The following PARD3B variants were observed in gnomAD, a reference collection of about 807,000 sequenced individuals.
PARD3B encodes the protein partitioning defective 3 homolog B.
A neutral mutation model predicts 130.2 loss-of-function variants in PARD3B; 103 were observed. The ratio of observed to expected loss-of-function variants is 0.79; its 90% confidence interval spans 0.67 to 0.93. The LOEUF (loss-of-function observed/expected upper bound fraction) is 0.93, where lower values mean the gene tolerates loss of function less well. Among genes scored for constraint, PARD3B ranks in the 40% least tolerant of loss-of-function variants. The pLI is 0.00. For synonymous variants in PARD3B, 583 were observed against 553.2 expected (o/e 1.05, Z -0.76); for missense variants, 1,609 against 1,499.2 (o/e 1.07, Z -1.21).
chr2:205,229,548 T>C lies in PARD3B; in HGVS notation c.2141-16230T>C, dbSNP rs2038727081. ...TGTGCTGAGCCACCTAGAACCGGTG[T>C]AGGGCTGACACAAGCACCCTGTGGC... On this transcript the variant is annotated intron_variant, in intron 15 of 22. Coordinates refer to ENST00000406610, the MANE Select transcript of PARD3B (RefSeq NM_001302769.2). The surrounding 1 kb of genome is among the most constrained non-coding windows in gnomAD (Gnocchi z 5.2). Among the ~76,000 whole-genome samples the C allele has an allele frequency of 6.6e-6, 1 of 152,134 alleles. No homozygotes were observed. Among genetic ancestry groups the C allele is most frequent in the Non-Finnish European group, 1.5e-5 (1 of 68,020 alleles).
At chr2:205,054,435 TA>T (rs1259385532) in intron 4 of PARD3B, among the ~76,000 whole-genome samples, 480 of 27,824 alleles carry the variant, frequency 0.017, no homozygotes, top group East Asian at 0.021. Flanking sequence ...TATATATATA[TA>T]TTTTTTTTTT....
rs994540665 is a variant in PARD3B, at chr2:204,664,562, G to C, written c.121-21619G>C. Among the ~76,000 whole-genome samples the C allele has an allele frequency of 1.8e-4, 28 of 152,184 alleles. No homozygotes were observed. The highest frequency in any genetic ancestry group is 6.7e-4 in the African/African-American group (28 of 41,522). ...AAGTGACATTGCATTGTATAAAAAG[G>C]ATATTTTTATTTACACACACTTAAA... On this transcript the variant is annotated intron_variant, in intron 1 of 22. Transcript: ENST00000406610. The surrounding 1 kb of genome is among the most constrained non-coding windows in gnomAD (Gnocchi z 5.2).
chr2:205,339,961 T>A (rs1434463900), intron 18 of PARD3B, among the ~76,000 whole-genome samples: 1 of 152,070 alleles, frequency 6.6e-6, no homozygotes, highest in African/African-American at 2.4e-5. Flanking sequence ...GGAAAATGTA[T>A]CTTTTTAAAA....
rs963034494 is a variant in PARD3B, at chr2:205,263,261, C to T, written c.2185+17439C>T. On this transcript the variant is annotated intron_variant, in intron 16 of 22. Transcript: ENST00000406610. The surrounding 1 kb of genome is among the most constrained non-coding windows in gnomAD (Gnocchi z 4.0). The stretch of plus-strand genomic sequence containing the variant: ...CTCTTGATTGGCTCCTTCCTTTAAT[C>T]CAAGGAGAATTAATCAAGGTGACAA... Among the ~76,000 whole-genome samples, 1 of 151,880 alleles carries T rather than the reference C, an allele frequency of 6.6e-6. No individual in the cohort carries two copies. The highest frequency in any genetic ancestry group is 1.5e-5 in the Non-Finnish European group (1 of 67,950).
chr2:204,594,340 A>G (rs1485437348), intron 1 of PARD3B, among the ~76,000 whole-genome samples: 3 of 152,250 alleles, frequency 2.0e-5, no homozygotes, highest in Non-Finnish European at 4.4e-5. Context: ...CACAGAGTTT[A>G]CCAACATACT....
chr2:204,926,378 T>C (rs990537511), intron 2 of PARD3B, among the ~76,000 whole-genome samples: 2 of 152,168 alleles, frequency 1.3e-5, no homozygotes, highest in Non-Finnish European at 2.9e-5. Context: ...ATTCTCATTA[T>C]ATTTTCAAGC....
At chr2:205,197,028 GGGGGGTGTGTGTGT>G (rs2036722323) in intron 15 of PARD3B, among the ~76,000 whole-genome samples, 1 of 9,482 alleles carries the variant, frequency 1.1e-4, no homozygotes, top group Admixed American at 1.2e-3. Flanking sequence ...CACTGTGGGG[GGGGGGTGTGTGTGT>G]GTGTGTGTGT....
chr2:205,424,459 C>T (rs2047075948), intron 19 of PARD3B, among the ~76,000 whole-genome samples: 1 of 151,942 alleles, frequency 6.6e-6, no homozygotes, highest in Non-Finnish European at 1.5e-5. Flanking sequence ...GCATTTAGGG[C>T]CAAGAAAACA....
In PARD3B at chr2:205,160,021, C is replaced by T. The variant is rs2034415171; in HGVS notation, c.1620+1114C>T. ...AGGCCCCGTTACACTCAACAGAGCA[C>T]CCCTGCACCTAGAATTCTGGCTTTG... On this transcript the variant is annotated intron_variant, in intron 11 of 22. Transcript: ENST00000406610. The surrounding 1 kb of genome is among the most constrained non-coding windows in gnomAD (Gnocchi z 4.0). Among the ~76,000 whole-genome samples the T allele has an allele frequency of 6.6e-6, 1 of 152,190 alleles. No homozygotes were observed. The highest frequency in any genetic ancestry group is 1.5e-5 in the Non-Finnish European group (1 of 68,034).
intron 2 of PARD3B, among the ~76,000 whole-genome samples, chr2:204,810,033 G>A (rs769582567): frequency 7.3e-5 from 11 of 151,600 alleles, no homozygotes; most frequent in African/African-American, 1.5e-4. Flanking sequence ...GATTTGGCTC[G>A]TGGCTTGGCA....
chr2:204,865,861 C>G (rs1179513232), intron 2 of PARD3B, among the ~76,000 whole-genome samples: 2 of 152,158 alleles, frequency 1.3e-5, no homozygotes, highest in East Asian at 3.9e-4. Context: ...AAAAATGATG[C>G]AAGGAATCCA....
chr2:205,301,302 AT>A lies in PARD3B; in HGVS notation c.2393-159del, dbSNP rs1205570236. ...ATCAAGTCTTGCTCGAAGTAACCAGATTTAGGCAGTCAGATCTTCAAAGGGC... is the reference window on the plus strand; with the variant it reads ...ATCAAGTCTTGCTCGAAGTAACCAGATTAGGCAGTCAGATCTTCAAAGGGC... On this transcript the variant is annotated intron_variant, in intron 17 of 22. Coordinates refer to ENST00000406610, the MANE Select transcript of PARD3B (RefSeq NM_001302769.2). The surrounding 1 kb of genome is among the most constrained non-coding windows in gnomAD (Gnocchi z 5.2). Among the ~76,000 whole-genome samples, 2 of 152,214 alleles carry A rather than the reference AT, an allele frequency of 1.3e-5. No homozygotes were observed. Among genetic ancestry groups the A allele is most frequent in the Non-Finnish European group, 2.9e-5 (2 of 68,036 alleles).
intron 22 of PARD3B, among the ~76,000 whole-genome samples, chr2:205,605,744 G>A (rs941260698): frequency 6.6e-6 from 1 of 152,242 alleles, no homozygotes; most frequent in Non-Finnish European, 1.5e-5. Flanking sequence ...ACTGGGACCT[G>A]CTTAATGAAG....
chr2:205,509,901 G>A (rs1032518657), intron 21 of PARD3B, among the ~76,000 whole-genome samples: 2 of 152,192 alleles, frequency 1.3e-5, no homozygotes, highest in Non-Finnish European at 2.9e-5. Flanking sequence ...AGGGCCAGTC[G>A]CTACAACTAA....
At chr2:204,567,862 C>T (rs544032059) in intron 1 of PARD3B, among the ~76,000 whole-genome samples, 1 of 152,340 alleles carries the variant, frequency 6.6e-6, no homozygotes, top group Admixed American at 6.5e-5. Flanking sequence ...CTTCCTATCT[C>T]TGCCAACATT....
At chr2:204,725,729 G>A (rs1264738350) in intron 2 of PARD3B, among the ~76,000 whole-genome samples, 1 of 152,068 alleles carries the variant, frequency 6.6e-6, no homozygotes, top group Admixed American at 6.6e-5. Flanking sequence ...CCATTGTTAG[G>A]GTATCCTTGT....
intron 19 of PARD3B, among the ~76,000 whole-genome samples, chr2:205,404,330 G>T (rs13420079): frequency 2.3e-3 from 354 of 152,280 alleles, no homozygotes; most frequent in African/African-American, 8.0e-3. Context: ...ATCTAGAGAT[G>T]ATTTAAAGTA....
intron 3 of PARD3B, among the ~76,000 whole-genome samples, chr2:204,970,129 T>A (rs1379835359): frequency 6.6e-6 from 1 of 152,168 alleles, no homozygotes; most frequent in Admixed American, 6.5e-5. Flanking sequence ...CTCCCGGTCC[T>A]TCCCCTGACT....
intron 20 of PARD3B, among the ~76,000 whole-genome samples, chr2:205,491,324 A>G (rs187575392): frequency 1.7e-4 from 26 of 152,260 alleles, no homozygotes; most frequent in South Asian, 4.1e-4. Flanking sequence ...CTTTCTCCAT[A>G]TGGCTAGCCA....
Sources: gnomAD v4.1 joint callset for allele counts (sites outside exome capture counted in the v4.1 genomes callset) on GRCh38, gnomAD v4.1.1 for gene constraint, Gnocchi (gnomAD v3.1) non-coding constraint, MANE v1.5 for transcripts, NCBI Gene and HGNC (gene_info 2026-07-23, HGNC 2026-07-21) for gene names.